Variants in TGM6 observed in about 807,000 individuals in gnomAD.
The protein encoded by TGM6 is protein-glutamine gamma-glutamyltransferase 6.
A neutral mutation model predicts 77.5 loss-of-function variants in TGM6; 74 were observed. The observed-to-expected ratio is 0.96, with a 90% CI of 0.79 to 1.16. The LOEUF is 1.16. TGM6 is among the 50% of genes most tolerant of loss of function. TGM6 has a pLI of 0.00. For missense variants in TGM6, 968 were observed against 940.2 expected (o/e 1.03, Z -0.39); for synonymous variants, 383 against 378.9 (o/e 1.01, Z -0.12).
intron 1 of TGM6, among the ~76,000 whole-genome samples, chr20:2,390,406 G>A (rs992170640): frequency 2.6e-5 from 4 of 152,216 alleles, no homozygotes; most frequent in Non-Finnish European, 5.9e-5. Flanking sequence ...CTGACCCAGT[G>A]GTCAACAGCT....
Position 2,395,306 on chromosome 20 carries a change from C to T in TGM6, c.294C>T (p.Thr98=), listed in dbSNP as rs1292170721. The change falls in exon 3 of 13, where the codon ACC becomes ACT. Residue 98 remains threonine (T), a synonymous_variant. Coordinates refer to ENST00000202625, the MANE Select transcript of TGM6 (RefSeq NM_198994.3). ...AGGCTCAGATGGAGAAAACTCTGACCGTCAGTCTCGCCAGCCCTCCCAGTG... is the reference window on the plus strand; with the variant it reads ...AGGCTCAGATGGAGAAAACTCTGACTGTCAGTCTCGCCAGCCCTCCCAGTG... ...AREAQMEKTL[T]VSLASPPSAV... 3.7e-6 allele frequency: 6 copies of T among 1,614,178 alleles called. No homozygotes were observed. Among genetic ancestry groups the T allele is most frequent in the Non-Finnish European group, 5.1e-6 (6 of 1,180,028 alleles).
chr20:2,410,609 T>G (rs2084779146), intron 9 of TGM6, among the ~76,000 whole-genome samples: 1 of 151,904 alleles, frequency 6.6e-6, no homozygotes, highest in Non-Finnish European at 1.5e-5. Flanking sequence ...GTGACTGGAG[T>G]CTGAAGTCTC....
rs1339208841 is a variant in TGM6 at position 2,430,437 on chromosome 20, C to T, written c.1679-9C>T. On this transcript the variant is annotated splice_polypyrimidine_tract_variant and intron_variant, in intron 10 of 12. Transcript: ENST00000202625. Reference sequence around the variant, plus strand: ...AAGCCCCAACTCCCACTTCTGCTTTCCCTTCCAGAGAAGAGAATCCCAATT... The same window carrying T: ...AAGCCCCAACTCCCACTTCTGCTTTTCCTTCCAGAGAAGAGAATCCCAATT... The T allele has an allele frequency of 4.3e-6, 7 of 1,614,208 alleles. No homozygotes were observed. Among genetic ancestry groups the T allele is most frequent in the Non-Finnish European group, 5.1e-6 (6 of 1,180,034 alleles).
At chr20:2,431,161 T>A in intron 12 of TGM6, 134 bp downstream of exon 12, 1 of 1,055,248 alleles carries the variant, frequency 9.5e-7, no homozygotes, top group Non-Finnish European at 1.3e-6. Context: ...ACTATACATA[T>A]CAGCCTTCAT....
rs887426440 is a variant in TGM6, at chr20:2,390,078, C to T, written c.8-4374C>T. ...TCTCCCCAAACCACCTAACACAAGC[C>T]GCAATCCTGTAAGTCCTCTCTAATA... On this transcript the variant is annotated intron_variant, in intron 1 of 12. Transcript: ENST00000202625. Among the ~76,000 whole-genome samples the T allele has an allele frequency of 5.9e-5, 9 of 152,228 alleles. No individual in the cohort carries two copies. The East Asian group carries it at 9.6e-4, about 16-fold the overall frequency.
chr20:2,409,709 CA>C (rs377094400), intron 9 of TGM6, among the ~76,000 whole-genome samples: 3,418 of 102,668 alleles, frequency 0.033, 112 homozygotes, highest in African/African-American at 0.1. Context: ...GAGACTGTCT[CA>C]AAAAAAAAAA....
At chr20:2,403,537 G>A in intron 8 of TGM6, 37 bp downstream of exon 8, 1 of 1,614,152 alleles carries the variant, frequency 6.2e-7, no homozygotes, top group Non-Finnish European at 8.5e-7. Flanking sequence ...CCAGACCCCT[G>A]CTTTTCCTTA....
At chr20:2,426,084 C>A (rs954875484) in intron 10 of TGM6, among the ~76,000 whole-genome samples, 3 of 152,142 alleles carry the variant, frequency 2.0e-5, no homozygotes, top group African/African-American at 7.2e-5. Context: ...ATCTATAGAT[C>A]AAGCTAGGAA....
At chr20:2,398,459 G>C (rs1419741082) in intron 5 of TGM6, among the ~76,000 whole-genome samples, 3 of 152,196 alleles carry the variant, frequency 2.0e-5, no homozygotes, top group East Asian at 1.9e-4. Flanking sequence ...GGGGTGGCTG[G>C]AGCAGCTGGG....
At chr20:2,395,129 T>C (rs1246169958) in intron 2 of TGM6, 65 bp from the exon 3 acceptor site, 9 of 1,591,344 alleles carry the variant, frequency 5.7e-6, no homozygotes, top group South Asian at 1.1e-5. Flanking sequence ...CTGTAGCTTT[T>C]TTCACTTCTC....
rs374219808 is a variant in TGM6, at chr20:2,417,451, A to C, written c.1556A>C (p.Asn519Thr). 4.6e-5 allele frequency: 74 copies of C among 1,611,776 alleles called. No individual in the cohort carries two copies. In the African/African-American group the frequency reaches 8.0e-4, roughly 17 times the overall value. The change falls in exon 10 of 13, where the codon AAC becomes ACC. Residue 519 changes from asparagine to threonine, a missense_variant. Physicochemically the swap from Asn to Thr is moderately conservative, Grantham distance 65 (BLOSUM62 0). Coordinates refer to ENST00000202625, the MANE Select transcript of TGM6 (RefSeq NM_198994.3). ...CTGAGACTGGCCCTGTGCTTGGCCA[A>C]CCTCACCTCCCGGGCCCAGCGGGTG... Reference protein sequence around the residue: ...HDLRLALCLANLTSRAQRVRV... With the variant: ...HDLRLALCLATLTSRAQRVRV...
chr20:2,419,234 C>G (rs994325063), intron 10 of TGM6, among the ~76,000 whole-genome samples: 3 of 152,100 alleles, frequency 2.0e-5, no homozygotes, highest in Non-Finnish European at 2.9e-5. Context: ...ATCTCTGTAT[C>G]TCTATCTCTC....
chr20:2,425,839 T>C (rs2084884361), intron 10 of TGM6, among the ~76,000 whole-genome samples: 1 of 152,232 alleles, frequency 6.6e-6, no homozygotes, highest in South Asian at 2.1e-4. Flanking sequence ...TATACATTTA[T>C]CTGTATCTTT....
Position 2,417,281 on chromosome 20 carries a change from C to G in TGM6, c.1386C>G (p.Phe462Leu). Reference protein sequence around the residue: ...QVYSKAVNRLFGVEASGRRIW... With the variant: ...QVYSKAVNRLLGVEASGRRIW... ...ACAGCAAGGCGGTGAACAGGCTGTT[C>G]GGCGTGGAAGCCTCTGGAAGGAGAA... is the stretch of plus-strand genomic sequence containing the variant. Residue 462 changes from phenylalanine (F) to leucine (L), a missense_variant, in exon 10 of 13, where the codon TTC becomes TTG. Phe to Leu is a conservative substitution (Grantham distance 22, BLOSUM62 0). Transcript: ENST00000202625. 2 of 1,610,752 alleles carry G rather than the reference C, an allele frequency of 1.2e-6. No homozygotes were observed. The highest frequency in any genetic ancestry group is 1.7e-6 in the Non-Finnish European group (2 of 1,178,684).
At chr20:2,431,365 T>G (rs955926467) in intron 12 of TGM6, among the ~76,000 whole-genome samples, 1 of 152,220 alleles carries the variant, frequency 6.6e-6, no homozygotes, top group African/African-American at 2.4e-5. Context: ...TATTCACTCA[T>G]TTGTTCATTT....
At chr20:2,390,170 G>A (rs1165725987) in intron 1 of TGM6, among the ~76,000 whole-genome samples, 1 of 152,172 alleles carries the variant, frequency 6.6e-6, no homozygotes, top group Non-Finnish European at 1.5e-5. Flanking sequence ...TGAGCGATGA[G>A]CCCTTCCTGT....
intron 1 of TGM6, among the ~76,000 whole-genome samples, chr20:2,391,546 C>G (rs934106357): frequency 6.6e-6 from 1 of 152,046 alleles, no homozygotes; most frequent in African/African-American, 2.4e-5. Flanking sequence ...GGGATCCTGC[C>G]TAGTTCCTTG....
intron 9 of TGM6, 37 bp from the exon 10 acceptor site, chr20:2,417,195 G>C: frequency 6.4e-7 from 1 of 1,551,316 alleles, no homozygotes; most frequent in Non-Finnish European, 8.7e-7. Flanking sequence ...AAGGAGCAAG[G>C]GGGTGCCTGC....
intron 10 of TGM6, among the ~76,000 whole-genome samples, chr20:2,418,859 G>A (rs928212617): frequency 1.3e-5 from 2 of 151,768 alleles, no homozygotes; most frequent in Admixed American, 6.6e-5. Context: ...GGTGGATCAC[G>A]AGGTCAGGAG....
Sources: gnomAD v4.1 joint callset for allele counts (sites outside exome capture counted in the v4.1 genomes callset) on GRCh38, gnomAD v4.1.1 for gene constraint, MANE v1.5 for transcripts, NCBI Gene and HGNC (gene_info 2026-07-23, HGNC 2026-07-21) for gene names.